KATNA1: variants seen among roughly 807,000 people sequenced by gnomAD.
KATNA1 encodes katanin catalytic subunit A1, also known as katanin p60 ATPase-containing subunit A1.
In KATNA1, 42 loss-of-function variants were observed where a neutral mutation model predicts 62.6. That is an observed-to-expected ratio of 0.67 (90% confidence interval 0.52 to 0.87). The LOEUF is 0.87. KATNA1 is among the 40% of genes least tolerant of loss of function. The pLI is 0.00. For synonymous variants in KATNA1, 186 were observed against 201.9 expected, an observed-to-expected ratio of 0.92 and a Z score of 0.67; for missense variants, 498 against 612.5, an observed-to-expected ratio of 0.81 and a Z score of 1.97.
Position 149,648,634 on chromosome 6 carries a change from G to GGC in KATNA1, c.-181_-180dup, listed in dbSNP as rs1780576872. The GGC allele has an allele frequency of 6.6e-6, 1 of 152,332 alleles. No individual in the cohort carries two copies. Among genetic ancestry groups the GGC allele is most frequent in the African/African-American group, 2.4e-5 (1 of 41,466 alleles). The allele number at this position is 152,332 out of a possible 1,614,324, so 9.4% of individuals were successfully genotyped here. A position where few individuals can be genotyped will look rare whatever the true frequency, so the allele number is the denominator to read the frequency against. On this transcript the variant is annotated 5_prime_UTR_variant, in exon 1 of 11. Coordinates refer to ENST00000367411, the MANE Select transcript of KATNA1 (RefSeq NM_007044.4). The stretch of plus-strand genomic sequence containing the variant: ...AGTTCAATCGTCAACACCACCTGCC[G>GGC]GCGCGGCTCCTGCTCGCCGAGAATT...
intron 4 of KATNA1, among the ~76,000 whole-genome samples, chr6:149,616,623 G>A (rs534336860): frequency 5.9e-5 from 9 of 152,224 alleles, no homozygotes; most frequent in South Asian, 4.2e-4. Flanking sequence ...GCCTGGTGGC[G>A]GGTGCCTGTA....
At chr6:149,626,475 T>C (rs1779615279) in intron 3 of KATNA1, among the ~76,000 whole-genome samples, 1 of 147,502 alleles carries the variant, frequency 6.8e-6, no homozygotes, top group South Asian at 2.2e-4. Flanking sequence ...TTTGTATTTT[T>C]AGTAGAGACG....
At chr6:149,619,420 C>T (rs1250203792) in intron 4 of KATNA1, among the ~76,000 whole-genome samples, 6 of 152,074 alleles carry the variant, frequency 3.9e-5, no homozygotes, top group Non-Finnish European at 8.8e-5. Context: ...CGAGACCAGA[C>T]TGGGCAACAT....
chr6:149,608,780 C>T (rs532742329), intron 4 of KATNA1, among the ~76,000 whole-genome samples: 6 of 152,242 alleles, frequency 3.9e-5, no homozygotes, highest in African/African-American at 7.2e-5. Context: ...CCCTGGAGAG[C>T]GTGTGGAGAA....
At chr6:149,636,647 AT>A (rs569870973) in intron 2 of KATNA1, among the ~76,000 whole-genome samples, 23 of 147,142 alleles carry the variant, frequency 1.6e-4, no homozygotes, top group South Asian at 6.4e-4. Flanking sequence ...TATTACTTTC[AT>A]TTTTTTTTTT....
At chr6:149,602,651 G>A (rs190000781) in intron 6 of KATNA1, among the ~76,000 whole-genome samples, 4 of 151,948 alleles carry the variant, frequency 2.6e-5, no homozygotes, top group African/African-American at 9.7e-5. Flanking sequence ...ATATAAAATG[G>A]AGTGTTTTTG....
chr6:149,597,029 T>G (rs1778345451), intron 10 of KATNA1, 34 bp downstream of exon 10: 1 of 1,605,734 alleles, frequency 6.2e-7, no homozygotes, highest in African/African-American at 1.3e-5. Flanking sequence ...AAGTTTATGC[T>G]TACAAAAACC....
At chr6:149,622,144 TTTC>T (rs1424399106) in intron 4 of KATNA1, among the ~76,000 whole-genome samples, 1 of 151,886 alleles carries the variant, frequency 6.6e-6, no homozygotes, top group African/African-American at 2.4e-5. Flanking sequence ...TTTTTTTTTT[TTTC>T]CTCAAGACGG....
chr6:149,616,024 C>G (rs1779155035), intron 4 of KATNA1, among the ~76,000 whole-genome samples: 1 of 152,040 alleles, frequency 6.6e-6, no homozygotes, highest in African/African-American at 2.4e-5. Context: ...GCCGAATTCA[C>G]AGAGAGAGGA....
Position 149,638,467 on chromosome 6 carries a change from G to A in KATNA1, c.81C>T (p.Val27=), listed in dbSNP as rs755991138. Residue 27 remains valine (V), a synonymous_variant, in exon 2 of 11, where the codon GTC becomes GTT. Transcript: ENST00000367411. ...TTTGGTCAAGAACTCCCTGATAATA[G>A]ACCATCGCAGAGTCATAGTTTCCCA... ...ALLGNYDSAM[V]YYQGVLDQMN... The A allele has an allele frequency of 2.0e-4, 327 of 1,613,398 alleles. 3 individuals carry two copies. The South Asian group carries it at 2.7e-3, about 13-fold the overall frequency.
chr6:149,614,837 C>G (rs1254522061), intron 4 of KATNA1, among the ~76,000 whole-genome samples: 2 of 152,108 alleles, frequency 1.3e-5, no homozygotes, highest in Non-Finnish European at 2.9e-5. Context: ...CATTTCACTG[C>G]AAAAACTCAA....
intron 4 of KATNA1, among the ~76,000 whole-genome samples, chr6:149,613,928 G>A (rs775274728): frequency 2.9e-4 from 44 of 152,184 alleles, no homozygotes; most frequent in Non-Finnish European, 5.6e-4. Flanking sequence ...TGGATTTCCT[G>A]CTCTTATTCC....
At chr6:149,604,551 C>T (rs572934647) in intron 5 of KATNA1, 110 bp downstream of exon 5, 3 of 1,155,214 alleles carry the variant, frequency 2.6e-6, no homozygotes, top group South Asian at 1.3e-5. Context: ...GCTGCACATA[C>T]TCCGGTTCTG....
intron 2 of KATNA1, among the ~76,000 whole-genome samples, chr6:149,634,269 T>C (rs1296646269): frequency 1.5e-5 from 1 of 67,430 alleles, no homozygotes; most frequent in South Asian, 4.0e-4. Context: ...CAAGACTCCA[T>C]CTCAAAAAAA....
chr6:149,623,998 T>C (rs1275776326), intron 3 of KATNA1, among the ~76,000 whole-genome samples: 1 of 152,234 alleles, frequency 6.6e-6, no homozygotes, highest in Non-Finnish European at 1.5e-5. Context: ...GGTATGTATG[T>C]AATTTGGTAC....
At chr6:149,633,108 T>TTC (rs1211657653) in intron 2 of KATNA1, among the ~76,000 whole-genome samples, 192 bp from the exon 3 acceptor site, 2 of 148,764 alleles carry the variant, frequency 1.3e-5, no homozygotes, top group African/African-American at 5.0e-5. Context: ...CAATTTTTTT[T>TTC]TTTTTTTTTT....
chr6:149,598,990 G>A (rs780775036), intron 7 of KATNA1, among the ~76,000 whole-genome samples: 34 of 151,682 alleles, frequency 2.2e-4, no homozygotes, highest in Non-Finnish European at 3.7e-4. Context: ...TCAACCTCCC[G>A]AGTAGCTAGG....
In KATNA1 at chr6:149,597,119, T is replaced by C; in HGVS notation, c.1221A>G (p.Ala407=). 6.2e-7 allele frequency: 1 copy of C among 1,614,170 alleles called. No individual in the cohort carries two copies. The highest frequency in any genetic ancestry group is 8.5e-7 in the Non-Finnish European group (1 of 1,179,974). ...ELELADDVDL[A]SIAENMEGYS... The stretch of plus-strand genomic sequence containing the variant: ...AACCTTCCATGTTTTCTGCTATACT[T>C]GCAAGGTCAACATCATCAGCCAATT... Residue 407 remains alanine, a synonymous_variant, in exon 10 of 11, where the codon GCA becomes GCG. Transcript: ENST00000367411.
rs371406913 is a variant in KATNA1 at position 149,595,174 on chromosome 6, T to G, written c.1338A>C (p.Arg446=). ...RIEGLTPEEI[R]NLSKEEMHMP... is the part of the protein sequence containing the mutation. ...TGTGCATTTCTTCTTTGGAAAGATT[T>G]CGGATTTCCTCTGGAGTCAAACCTT... Residue 446 remains arginine (R), a synonymous_variant, in exon 11 of 11, where the codon CGA becomes CGC. Transcript: ENST00000367411. The G allele has an allele frequency of 9.3e-6, 15 of 1,614,016 alleles. No homozygotes were observed. Among genetic ancestry groups the G allele is most frequent in the Middle Eastern group, 1.6e-4 (1 of 6,082 alleles).
Sources: allele counts gnomAD v4.1 joint callset (sites outside exome capture counted in the v4.1 genomes callset), GRCh38; gene constraint gnomAD v4.1.1; transcripts MANE v1.5; gene names NCBI Gene and HGNC (gene_info 2026-07-23, HGNC 2026-07-21).